The following PFKP variants were observed in gnomAD, a reference collection of about 807,000 sequenced individuals.
PFKP encodes the protein phosphofructokinase, platelet, also known as ATP-dependent 6-phosphofructokinase, platelet type.
A neutral mutation model predicts 94.3 loss-of-function variants in PFKP; 101 were observed. The ratio of observed to expected loss-of-function variants is 1.07; its 90% CI spans 0.91 to 1.26. The LOEUF (loss-of-function observed/expected upper bound fraction) is 1.26. PFKP is among the 50% of genes most tolerant of loss of function. The pLI, the probability that PFKP is intolerant of heterozygous loss-of-function variation, is 0.00. For synonymous variants in PFKP, 573 were observed against 432.6 expected (o/e 1.32, Z -4.03); for missense variants, 1,145 against 1,103.3 (o/e 1.04, Z -0.53).
chr10:3,077,455 A>C (rs546545856), intron 1 of PFKP, among the ~76,000 whole-genome samples: 1 of 149,212 alleles, frequency 6.7e-6, no homozygotes, highest in Non-Finnish European at 1.5e-5. Context: ...TTTAGTAGAG[A>C]TGGGGTTTCA....
At chr10:3,135,327 G>C (rs1352983985) in intron 20 of PFKP, among the ~76,000 whole-genome samples, 2 of 152,206 alleles carry the variant, frequency 1.3e-5, no homozygotes, top group Non-Finnish European at 2.9e-5. Flanking sequence ...CAATGGGTTT[G>C]TCTTTTTGAA....
chr10:3,086,652 C>A (rs1833628936), intron 2 of PFKP, among the ~76,000 whole-genome samples: 1 of 152,064 alleles, frequency 6.6e-6, no homozygotes, highest in Non-Finnish European at 1.5e-5. Flanking sequence ...CTGCACTAAA[C>A]CAAGCGCACA....
In PFKP at chr10:3,099,102, C is replaced by G. The variant is rs562229311; in HGVS notation, c.187-173C>G. Among the ~76,000 whole-genome samples, 3 of 152,352 alleles carry G rather than the reference C, an allele frequency of 2.0e-5. No individual in the cohort carries two copies. The South Asian group carries it at 6.2e-4, about 32-fold the overall frequency. On this transcript the variant is annotated intron_variant, in intron 2 of 21. Transcript: ENST00000381125. ...CATTACTAGGGACTCAAGGTGAGGA[C>G]TTTCCCACAATTCACTGCTTTTATC... is the stretch of plus-strand genomic sequence containing the variant.
intron 2 of PFKP, among the ~76,000 whole-genome samples, chr10:3,092,106 C>G (rs1192993572): frequency 6.6e-6 from 1 of 152,148 alleles, no homozygotes; most frequent in Non-Finnish European, 1.5e-5. Flanking sequence ...CCACCGGCCC[C>G]CAAGCTTAGC....
At position 3,136,461 on chromosome 10, in the gene PFKP, C is replaced by T; in HGVS notation, c.2237C>T (p.Pro746Leu). ...KKQTDFEHRI[P>L]KEQWWLKLRP... The stretch of plus-strand genomic sequence containing the variant: ...TCTTACCTCCACAGGCACAGGATTC[C>T]CAAAGAACAGTGGTGGCTCAAGCTA... The change falls in exon 22 of 22, where the codon CCC (proline) becomes CTC (leucine). Residue 746 changes from proline (P) to leucine (L), a missense_variant. Pro to Leu is a moderately conservative substitution (Grantham distance 98, BLOSUM62 -3). This residue lies in a region of PFKP where 1,119 missense variants were observed against 1,062.8 expected (regional missense o/e 1.05). Transcript: ENST00000381125. 1 of 1,613,548 alleles carries T rather than the reference C, an allele frequency of 6.2e-7. No homozygotes were observed. The highest frequency in any genetic ancestry group is 8.5e-7 in the Non-Finnish European group (1 of 1,179,670).
chr10:3,134,898 C>G (rs1425628562), intron 20 of PFKP, among the ~76,000 whole-genome samples: 2 of 152,274 alleles, frequency 1.3e-5, no homozygotes, highest in South Asian at 4.1e-4. Context: ...TAAGTGGGGC[C>G]TTCTATTTTT....
chr10:3,120,188 A>G (rs751207744), intron 16 of PFKP, 144 bp downstream of exon 16: 2 of 722,910 alleles, frequency 2.8e-6, no homozygotes, highest in South Asian at 1.9e-5. Flanking sequence ...CCCCCAGAAA[A>G]GTATGTTTTA....
chr10:3,100,831 G>T, intron 3 of PFKP: 1 of 682,282 alleles, frequency 1.5e-6, no homozygotes. Context: ...TGAAGATATA[G>T]CTCTTTAAAA....
chr10:3,136,390 G>GC, intron 21 of PFKP, 60 bp from the exon 22 acceptor site: 6 of 1,589,682 alleles, frequency 3.8e-6, no homozygotes, highest in Non-Finnish European at 5.2e-6. Flanking sequence ...TGCTGGCCAG[G>GC]CGGAGGCATC....
chr10:3,093,360 AACT>A (rs1834208355), intron 2 of PFKP, among the ~76,000 whole-genome samples: 1 of 152,332 alleles, frequency 6.6e-6, no homozygotes, highest in African/African-American at 2.4e-5. Context: ...TTGAAGTGAA[AACT>A]ACTCAACCAC....
At chr10:3,115,279 C>T (rs1239684023) in intron 13 of PFKP, among the ~76,000 whole-genome samples, 3 of 151,540 alleles carry the variant, frequency 2.0e-5, no homozygotes, top group Admixed American at 1.3e-4. Flanking sequence ...GTGTGTGTCC[C>T]ACGGCGGAGG....
chr10:3,100,056 G>GT (rs376262163), intron 3 of PFKP, among the ~76,000 whole-genome samples: 9 of 137,744 alleles, frequency 6.5e-5, no homozygotes, highest in African/African-American at 2.5e-4. Flanking sequence ...GTAGGTGTGT[G>GT]GTGTGTGTGT....
At chr10:3,076,321 G>T (rs990192332) in intron 1 of PFKP, among the ~76,000 whole-genome samples, 39 of 152,258 alleles carry the variant, frequency 2.6e-4, no homozygotes, top group African/African-American at 8.4e-4. Flanking sequence ...GGATGTGCAG[G>T]GGAGGGCCGA....
At chr10:3,130,448 C>T (rs79062619) in intron 17 of PFKP, among the ~76,000 whole-genome samples, 2,674 of 152,266 alleles carry the variant, frequency 0.018, 126 homozygotes, top group East Asian at 0.15. Flanking sequence ...TCGCTGACCC[C>T]GCGGTCTGCC....
Position 3,135,751 on chromosome 10 carries a change from C to A in PFKP, c.2138C>A (p.Thr713Asn). 1 of 1,610,278 alleles carries A rather than the reference C, an allele frequency of 6.2e-7. No individual in the cohort carries two copies. The highest frequency in any genetic ancestry group is 8.5e-7 in the Non-Finnish European group (1 of 1,176,972). ...TCTTTTATAGGAAAAAAATTTACCA[C>A]CGATGATTCCATTTGTGTGCTGGGA... ...EARGRGKKFT[T>N]DDSICVLGIS... Residue 713 changes from threonine to asparagine, a missense_variant, in exon 21 of 22, where the codon ACC becomes AAC. Physicochemically the swap from Thr to Asn is moderately conservative, Grantham distance 65 (BLOSUM62 0). Around this residue, in one of 3 missense-constraint regions of PFKP, gnomAD observed 1,119 missense variants for 1,062.8 expected, o/e 1.05. Coordinates refer to ENST00000381125, the MANE Select transcript of PFKP (RefSeq NM_002627.5).
At chr10:3,070,162 C>A (rs927773493) in intron 1 of PFKP, 5 of 152,240 alleles carry the variant, frequency 3.3e-5, no homozygotes, top group African/African-American at 1.2e-4. Flanking sequence ...GCTGAAGTCA[C>A]AATTTTTTTG....
chr10:3,099,023 G>T (rs1209434884), intron 2 of PFKP, among the ~76,000 whole-genome samples: 1 of 152,156 alleles, frequency 6.6e-6, no homozygotes. Flanking sequence ...TGGGCCATAG[G>T]AGAATGGCTT....
intron 10 of PFKP, among the ~76,000 whole-genome samples, chr10:3,110,228 T>C (rs1463771379): frequency 6.6e-6 from 1 of 151,626 alleles, no homozygotes. Flanking sequence ...AGAGACGGAG[T>C]CTCACTGTTG....
At chr10:3,115,766 G>A (rs1480967408) in intron 13 of PFKP, among the ~76,000 whole-genome samples, 1 of 152,194 alleles carries the variant, frequency 6.6e-6, no homozygotes, top group Non-Finnish European at 1.5e-5. Flanking sequence ...AGAGAGAGAA[G>A]GTCCAGGACT....
Sources: gnomAD v4.1 joint callset for allele counts (sites outside exome capture counted in the v4.1 genomes callset) on GRCh38, gnomAD v4.1.1 for gene constraint, gnomAD v4.1.1 regional missense constraint, MANE v1.5 for transcripts, NCBI Gene and HGNC (gene_info 2026-07-23, HGNC 2026-07-21) for gene names.